Variants in PPIG observed in about 807,000 individuals in gnomAD.
PPIG encodes the protein peptidyl-prolyl cis-trans isomerase G.
Under a neutral mutation model 87.9 loss-of-function variants are expected in PPIG, and 26 were observed. The observed-to-expected ratio is 0.30, with a 90% CI of 0.22 to 0.41. The LOEUF (loss-of-function observed/expected upper bound fraction) is 0.41. Ranked by LOEUF, PPIG falls within the 10% of genes least tolerant of loss-of-function variation. PPIG has a pLI of 1.00. For synonymous variants in PPIG, 308 were observed against 276.5 expected (o/e 1.11, Z -1.13); for missense variants, 722 against 879.4 (o/e 0.82, Z 2.26).
intron 9 of PPIG, among the ~76,000 whole-genome samples, chr2:169,618,904 T>C (rs557716401): frequency 6.6e-6 from 1 of 152,216 alleles, no homozygotes; most frequent in African/African-American, 2.4e-5. Flanking sequence ...TCTCGTCTTC[T>C]GCTAGCTTCT....
At chr2:169,635,033 T>C (rs1244598783) in intron 12 of PPIG, among the ~76,000 whole-genome samples, 2 of 147,934 alleles carry the variant, frequency 1.4e-5, no homozygotes, top group Non-Finnish European at 3.0e-5. Flanking sequence ...ACATGTAAAC[T>C]GAATAACACT....
chr2:169,612,586 G>A (rs1013239427), intron 7 of PPIG, among the ~76,000 whole-genome samples: 1 of 151,884 alleles, frequency 6.6e-6, no homozygotes, highest in South Asian at 2.1e-4. Context: ...GTTTCACCGT[G>A]TTAGCCAGGA....
rs150343574 is a variant in PPIG at position 169,635,135 on chromosome 2, A to G, written c.1018-957A>G. ...TTGACCCCGAGTCTTTAGATCCTAG[A>G]TCCCACTTTGAGATTCACTGTCTGA... On this transcript the variant is annotated intron_variant, in intron 12 of 13. Transcript: ENST00000260970. Among the ~76,000 whole-genome samples, 1,096 of 152,330 alleles carry G rather than the reference A, an allele frequency of 7.2e-3. 25 individuals carry two copies. The highest frequency in any genetic ancestry group is 0.047 in the Admixed American group (726 of 15,298).
intron 7 of PPIG, among the ~76,000 whole-genome samples, chr2:169,612,042 C>A (rs1574451342): frequency 6.6e-6 from 1 of 152,244 alleles, no homozygotes; most frequent in East Asian, 1.9e-4. Context: ...GTGGCACAAT[C>A]ATAGCTCACT....
intron 1 of PPIG, among the ~76,000 whole-genome samples, chr2:169,599,731 A>C (rs1685123672): frequency 6.6e-6 from 1 of 152,188 alleles, no homozygotes; most frequent in Admixed American, 6.5e-5. Context: ...TTTGGTTGTC[A>C]CAGTGACTGA....
intron 9 of PPIG, among the ~76,000 whole-genome samples, chr2:169,623,428 C>T (rs757519399): frequency 7.2e-5 from 11 of 152,238 alleles, no homozygotes; most frequent in African/African-American, 2.4e-4. Flanking sequence ...ACAAGCTTAG[C>T]GTACCAATAA....
intron 7 of PPIG, among the ~76,000 whole-genome samples, chr2:169,611,896 A>AT (rs998080717): frequency 6.6e-6 from 1 of 152,112 alleles, no homozygotes; most frequent in Admixed American, 6.6e-5. Context: ...CTTAAAAAAA[A>AT]TTTTTTTGTA....
At chr2:169,584,805 A>G in intron 1 of PPIG, 1 of 297,176 alleles carries the variant, frequency 3.4e-6, no homozygotes, top group South Asian at 2.7e-5. Context: ...TTGCCGCACA[A>G]GCTGTAACAT....
At chr2:169,634,863 C>G (rs1320655397) in intron 12 of PPIG, among the ~76,000 whole-genome samples, 2 of 152,086 alleles carry the variant, frequency 1.3e-5, no homozygotes, top group Non-Finnish European at 2.9e-5. Flanking sequence ...ATCTCAGTAC[C>G]TCTTTCATGT....
rs1255572895 is a variant in PPIG, at chr2:169,631,950, A to G, written c.929+17A>G. 1 of 1,566,850 alleles carries G rather than the reference A, an allele frequency of 6.4e-7. No homozygotes were observed. The highest frequency in any genetic ancestry group is 8.7e-7 in the Non-Finnish European group (1 of 1,149,594). On this transcript the variant is annotated intron_variant, in intron 11 of 13. Transcript: ENST00000260970. ...AAGAGAGTGGTATGTGAATATGTAT[A>G]TTTTGCCTTACATGGTTTACCATAG...
chr2:169,617,949 C>T (rs1685646336), intron 9 of PPIG, among the ~76,000 whole-genome samples: 1 of 152,154 alleles, frequency 6.6e-6, no homozygotes, highest in East Asian at 1.9e-4. Flanking sequence ...AAAGGGAACG[C>T]TTCCAGCTTT....
chr2:169,635,862 G>GA (rs1686164708), intron 12 of PPIG, among the ~76,000 whole-genome samples: 1 of 152,108 alleles, frequency 6.6e-6, no homozygotes, highest in African/African-American at 2.4e-5. Flanking sequence ...TTTCCTATAT[G>GA]AAAATTGGGA....
intron 1 of PPIG, among the ~76,000 whole-genome samples, chr2:169,598,065 A>G (rs897831759): frequency 1.3e-5 from 2 of 151,306 alleles, no homozygotes; most frequent in South Asian, 2.1e-4. Flanking sequence ...CCATGGCACA[A>G]TCTCAGCTCA....
At chr2:169,613,588 T>C (rs1004926811) in intron 7 of PPIG, among the ~76,000 whole-genome samples, 2 of 152,004 alleles carry the variant, frequency 1.3e-5, no homozygotes, top group African/African-American at 4.8e-5. Context: ...CTTATTTTAA[T>C]TTTTTTTCCC....
intron 4 of PPIG, 82 bp downstream of exon 4, chr2:169,604,343 T>TTTTTTATTTTA: frequency 8.4e-7 from 1 of 1,187,700 alleles, no homozygotes; most frequent in African/African-American, 1.6e-5. Context: ...TTTTTTTTTT[T>TTTTTTATTTTA]TTTTTTTTTT....
intron 6 of PPIG, among the ~76,000 whole-genome samples, chr2:169,607,562 T>G (rs1448162498): frequency 2.6e-5 from 4 of 152,224 alleles, no homozygotes; most frequent in Non-Finnish European, 4.4e-5. Flanking sequence ...AATTTAAGTT[T>G]TCTTGCTGGA....
chr2:169,630,275 T>A (rs148058787), intron 9 of PPIG, among the ~76,000 whole-genome samples: 1 of 152,254 alleles, frequency 6.6e-6, no homozygotes, highest in African/African-American at 2.4e-5. Context: ...GTTATGAGTC[T>A]CCTCTTGAGC....
intron 12 of PPIG, 22 bp from the exon 13 acceptor site, chr2:169,636,070 T>C (rs1168582505): frequency 1.3e-6 from 2 of 1,567,354 alleles, no homozygotes; most frequent in Non-Finnish European, 1.7e-6. Context: ...CATTAATTTT[T>C]CCCTATTTTA....
chr2:169,607,518 G>C (rs1685365947), intron 6 of PPIG, among the ~76,000 whole-genome samples: 1 of 151,988 alleles, frequency 6.6e-6, no homozygotes, highest in East Asian at 1.9e-4. Context: ...AAAAATCTTT[G>C]ATATTCTAAA....
Sources: gnomAD v4.1 joint callset for allele counts (sites outside exome capture counted in the v4.1 genomes callset) on GRCh38, gnomAD v4.1.1 for gene constraint, MANE v1.5 for transcripts, NCBI Gene and HGNC (gene_info 2026-07-23, HGNC 2026-07-21) for gene names.